The following ADAMTSL1 variants were observed in gnomAD, a reference collection of about 807,000 sequenced individuals.
ADAMTSL1 encodes the protein ADAMTS like 1, also known as ADAMTS-like protein 1.
A neutral mutation model predicts 201.8 loss-of-function variants in ADAMTSL1; 126 were observed. The observed-to-expected ratio is 0.62, with a 90% confidence interval of 0.54 to 0.72. The LOEUF (loss-of-function observed/expected upper bound fraction) is 0.72. Among genes scored for constraint, ADAMTSL1 ranks in the 30% least tolerant of loss-of-function variants. The pLI is 0.00. For missense variants in ADAMTSL1, 2,679 were observed against 2,277.8 expected (o/e 1.18, Z -3.59); for synonymous variants, 1,121 against 903.4 (o/e 1.24, Z -4.32).
intron 2 of ADAMTSL1, among the ~76,000 whole-genome samples, chr9:18,261,151 T>C (rs546215348): frequency 6.4e-4 from 97 of 151,528 alleles, no homozygotes; most frequent in Non-Finnish European, 9.6e-4. Flanking sequence ...AGTGGCAGTC[T>C]GTCCAGCAAC....
At chr9:18,341,597 G>A (rs1397883159) in intron 2 of ADAMTSL1, among the ~76,000 whole-genome samples, 1 of 152,102 alleles carries the variant, frequency 6.6e-6, no homozygotes, top group African/African-American at 2.4e-5. Context: ...CTGGCACTGT[G>A]CTTGGATACA....
intron 1 of ADAMTSL1, among the ~76,000 whole-genome samples, chr9:17,930,183 TG>T (rs1263361235): frequency 2.0e-5 from 3 of 151,964 alleles, no homozygotes; most frequent in Non-Finnish European, 4.4e-5. Flanking sequence ...AGGGCTGAAG[TG>T]GGGGTAGGTG....
At chr9:18,520,843 A>G (rs1227841032) in intron 2 of ADAMTSL1, among the ~76,000 whole-genome samples, 1 of 152,162 alleles carries the variant, frequency 6.6e-6, no homozygotes, top group Non-Finnish European at 1.5e-5. Context: ...CTCCCTTAGT[A>G]CTAATCTGTT....
At chr9:18,431,884 C>G (rs1421136507) in intron 2 of ADAMTSL1, among the ~76,000 whole-genome samples, 4 of 152,074 alleles carry the variant, frequency 2.6e-5, no homozygotes, top group Non-Finnish European at 5.9e-5. Flanking sequence ...TCTATATAGG[C>G]TGGGTTGTTT....
intron 2 of ADAMTSL1, among the ~76,000 whole-genome samples, chr9:18,178,788 G>GTA (rs1304062373): frequency 1.3e-5 from 2 of 152,166 alleles, no homozygotes; most frequent in Non-Finnish European, 2.9e-5. Context: ...ACATGGCCAG[G>GTA]TACTCCAACA....
At chr9:18,861,336 A>C (rs1345245187) in intron 23 of ADAMTSL1, among the ~76,000 whole-genome samples, 1 of 152,214 alleles carries the variant, frequency 6.6e-6, no homozygotes, top group Non-Finnish European at 1.5e-5. Context: ...TCCAGGTCTA[A>C]ATTGGCCTGA....
At chr9:18,008,651 A>G (rs1278924833) in intron 1 of ADAMTSL1, among the ~76,000 whole-genome samples, 2 of 151,896 alleles carry the variant, frequency 1.3e-5, no homozygotes, top group African/African-American at 4.8e-5. Flanking sequence ...TGAACAGTGC[A>G]AGTTGTTTTA....
chr9:18,692,437 G>A (rs1017160459), intron 13 of ADAMTSL1, among the ~76,000 whole-genome samples: 1 of 152,078 alleles, frequency 6.6e-6, no homozygotes, highest in Non-Finnish European at 1.5e-5. Context: ...GCAGTTGCTC[G>A]TTCTGTGGCT....
chr9:18,905,846 G>A lies in ADAMTSL1; in HGVS notation c.4916G>A (p.Arg1639Gln), dbSNP rs775083182. 22 of 1,613,394 alleles carry A rather than the reference G, an allele frequency of 1.4e-5. No homozygotes were observed. Among genetic ancestry groups the A allele is most frequent in the Middle Eastern group, 1.6e-4 (1 of 6,084 alleles). The change falls in exon 27 of 29, where the codon CGG becomes CAG. Residue 1639 changes from arginine (R) to glutamine (Q), a missense_variant. Physicochemically the swap from Arg to Gln is conservative, Grantham distance 43. Transcript: ENST00000380548. ...VQHRQVFCQT[R>Q]DGITLPSEQC... ...CACAGACAAGTCTTCTGCCAGACAC[G>A]GGATGGCATCACCTTACCATCAGAG...
intron 2 of ADAMTSL1, among the ~76,000 whole-genome samples, chr9:18,358,258 T>C (rs1836345611): frequency 6.6e-6 from 1 of 152,250 alleles, no homozygotes; most frequent in Non-Finnish European, 1.5e-5. Flanking sequence ...TTTCCCCACA[T>C]ATTGAACTAT....
intron 19 of ADAMTSL1, among the ~76,000 whole-genome samples, chr9:18,785,091 G>A (rs1020981540): frequency 3.3e-5 from 5 of 152,072 alleles, no homozygotes; most frequent in Non-Finnish European, 7.4e-5. Flanking sequence ...TTGAACGCAG[G>A]AGGTGGAGGT....
chr9:18,476,042 A>T (rs1254739848), intron 1 of ADAMTSL1, among the ~76,000 whole-genome samples: 1 of 152,162 alleles, frequency 6.6e-6, no homozygotes, highest in Non-Finnish European at 1.5e-5. Context: ...TTTAAATTAC[A>T]ATAATTGTAT....
chr9:18,720,896 G>C (rs1010883905), intron 14 of ADAMTSL1, among the ~76,000 whole-genome samples: 1 of 152,222 alleles, frequency 6.6e-6, no homozygotes, highest in African/African-American at 2.4e-5. Context: ...CACTAGCTCT[G>C]AGTCAGGGCC....
At chr9:18,564,472 C>A (rs12004058) in intron 3 of ADAMTSL1, among the ~76,000 whole-genome samples, 1 of 152,174 alleles carries the variant, frequency 6.6e-6, no homozygotes, top group African/African-American at 2.4e-5. Context: ...CTTGCCAGCC[C>A]CTGCCTCACT....
chr9:18,077,264 A>G (rs1209339053), intron 1 of ADAMTSL1, among the ~76,000 whole-genome samples: 1 of 152,220 alleles, frequency 6.6e-6, no homozygotes, highest in Admixed American at 6.5e-5. Context: ...TGGCATTTAA[A>G]GCTACACAAA....
At chr9:18,866,272 C>T (rs1827536449) in intron 23 of ADAMTSL1, among the ~76,000 whole-genome samples, 1 of 151,960 alleles carries the variant, frequency 6.6e-6, no homozygotes, top group African/African-American at 2.4e-5. Flanking sequence ...ATGTTAAATT[C>T]CTTATTTTGA....
At chr9:18,702,372 G>C (rs901913712) in intron 13 of ADAMTSL1, among the ~76,000 whole-genome samples, 1 of 152,146 alleles carries the variant, frequency 6.6e-6, no homozygotes, top group African/African-American at 2.4e-5. Context: ...TTGTTTATCA[G>C]TATATTAATA....
intron 1 of ADAMTSL1, among the ~76,000 whole-genome samples, chr9:17,940,812 CA>C (rs1554667528): frequency 2.5e-4 from 5 of 20,252 alleles, no homozygotes; most frequent in African/African-American, 3.7e-4. Context: ...ACCCCCCCCC[CA>C]AAAAAAAGAA....
intron 7 of ADAMTSL1, among the ~76,000 whole-genome samples, chr9:18,640,536 T>C (rs112923854): frequency 2.4e-4 from 36 of 152,198 alleles, no homozygotes; most frequent in African/African-American, 8.4e-4. Context: ...CACAGCATTG[T>C]CAAATGTGTT....
Sources: gnomAD v4.1 joint callset for allele counts (sites outside exome capture counted in the v4.1 genomes callset) on GRCh38, gnomAD v4.1.1 for gene constraint, MANE v1.5 for transcripts, NCBI Gene and HGNC (gene_info 2026-07-23, HGNC 2026-07-21) for gene names.